The following MAP3K1 variants were observed in gnomAD, a reference collection of about 807,000 sequenced individuals.
MAP3K1 encodes MAP/ERK kinase kinase 1.
A neutral mutation model predicts 144.2 loss-of-function variants in MAP3K1; 36 were observed. The observed-to-expected ratio is 0.25, with a 90% CI of 0.19 to 0.33. The LOEUF (loss-of-function observed/expected upper bound fraction) is 0.33, where lower values mean the gene tolerates loss of function less well. Ranked by LOEUF, MAP3K1 falls within the 10% of genes least tolerant of loss-of-function variation. The pLI is 1.00. For missense variants in MAP3K1, 1,650 were observed against 1,881.9 expected (o/e 0.88, Z 2.28); for synonymous variants, 718 against 688.7 (o/e 1.04, Z -0.67).
At chr5:56,829,228 C>T (rs574051931) in intron 1 of MAP3K1, among the ~76,000 whole-genome samples, 3 of 151,286 alleles carry the variant, frequency 2.0e-5, no homozygotes, top group South Asian at 2.1e-4. Context: ...TTCACCCAGG[C>T]TGAAGTGCAG....
At chr5:56,879,857 A>G (rs116349699) in intron 11 of MAP3K1, among the ~76,000 whole-genome samples, 243 of 152,236 alleles carry the variant, frequency 1.6e-3, no homozygotes, top group African/African-American at 4.9e-3. Flanking sequence ...GAAGTGTTGA[A>G]TCTCCCTTCT....
Position 56,864,797 on chromosome 5 carries a change from A to C in MAP3K1, c.898A>C (p.Ser300Arg). Residue 300 changes from serine to arginine, a missense_variant, in exon 4 of 20, where the codon AGC becomes CGC. By Grantham distance (110) the Ser-to-Arg change is moderately radical. Around this residue, in one of 6 missense-constraint regions of MAP3K1, gnomAD observed 148 missense variants for 177.2 expected, o/e 0.84. Coordinates refer to ENST00000399503, the MANE Select transcript of MAP3K1 (RefSeq NM_005921.2). ...TTCACCAGATGGCTTCTCACCATAT[A>C]GCCCTGAGGAAACAAACCGCCGTGT... ...APSPDGFSPY[S>R]PEETNRRVNK... The C allele has an allele frequency of 1.9e-6, 3 of 1,614,180 alleles. No individual in the cohort carries two copies. The highest frequency in any genetic ancestry group is 2.5e-6 in the Non-Finnish European group (3 of 1,180,024).
chr5:56,850,307 T>G (rs777299303), intron 1 of MAP3K1, among the ~76,000 whole-genome samples: 3 of 152,166 alleles, frequency 2.0e-5, no homozygotes, highest in Non-Finnish European at 2.9e-5. Context: ...ATAATGTATT[T>G]TCTAGGGTTC....
At chr5:56,892,083 G>A (rs971349651) in intron 19 of MAP3K1, among the ~76,000 whole-genome samples, 1 of 152,150 alleles carries the variant, frequency 6.6e-6, no homozygotes, top group Non-Finnish European at 1.5e-5. Flanking sequence ...GTCATTGGTA[G>A]CTTGATGGGG....
chr5:56,825,962 T>G (rs1380369974), intron 1 of MAP3K1, among the ~76,000 whole-genome samples: 3 of 148,962 alleles, frequency 2.0e-5, no homozygotes, highest in African/African-American at 7.3e-5. Flanking sequence ...CAACTGACCG[T>G]TCTTCTTTTT....
chr5:56,867,707 A>G (rs769897859), intron 6 of MAP3K1, among the ~76,000 whole-genome samples: 1 of 152,222 alleles, frequency 6.6e-6, no homozygotes, highest in African/African-American at 2.4e-5. Context: ...AAAAAGGAAT[A>G]TGGCTTTTAA....
intron 19 of MAP3K1, among the ~76,000 whole-genome samples, chr5:56,890,985 G>A (rs1344192770): frequency 2.0e-5 from 3 of 152,120 alleles, no homozygotes; most frequent in Non-Finnish European, 2.9e-5. Flanking sequence ...GGTCAAAGCT[G>A]CAGTGAGCCA....
intron 17 of MAP3K1, among the ~76,000 whole-genome samples, chr5:56,886,847 T>C (rs115179954): frequency 0.02 from 2,987 of 152,186 alleles, 121 homozygotes; most frequent in African/African-American, 0.066. Context: ...CTGTAACTCA[T>C]TTCCTGGGCT....
At chr5:56,862,727 C>A (rs1329213365) in intron 3 of MAP3K1, among the ~76,000 whole-genome samples, 1 of 152,160 alleles carries the variant, frequency 6.6e-6, no homozygotes, top group Non-Finnish European at 1.5e-5. Flanking sequence ...AGGCTGGATA[C>A]CTAGCAGGTC....
intron 1 of MAP3K1, chr5:56,820,259 C>T (rs1746113726): frequency 5.5e-6 from 1 of 182,162 alleles, no homozygotes; most frequent in South Asian, 1.9e-4. Context: ...GATGGTAAAA[C>T]CTCATGATTA....
Position 56,884,834 on chromosome 5 carries a change from A to C in MAP3K1, c.3982+8A>C. On this transcript the variant is annotated splice_region_variant and intron_variant, in intron 16 of 19. Transcript: ENST00000399503. ...TCATTGAATGGATGGCAGGTATGTTAATGTTTTAAATTACAAAATAGTAGT... is the reference window on the plus strand; with the variant it reads ...TCATTGAATGGATGGCAGGTATGTTCATGTTTTAAATTACAAAATAGTAGT... 1.2e-6 allele frequency: 2 copies of C among 1,612,556 alleles called. No individual in the cohort carries two copies. The highest frequency in any genetic ancestry group is 1.7e-4 in the Middle Eastern group (1 of 6,050).
At chr5:56,847,507 A>T (rs1747035179) in intron 1 of MAP3K1, among the ~76,000 whole-genome samples, 1 of 152,114 alleles carries the variant, frequency 6.6e-6, no homozygotes, top group Non-Finnish European at 1.5e-5. Context: ...GAGGCTGCAG[A>T]ATTGCTTGAA....
Position 56,882,466 on chromosome 5 carries a change from C to G in MAP3K1, c.3266C>G (p.Ser1089Cys), listed in dbSNP as rs755658722. 2.5e-5 allele frequency: 40 copies of G among 1,614,124 alleles called. No homozygotes were observed. In the South Asian group the frequency reaches 3.2e-4, roughly 13 times the overall value. ...NSMTLDLNSSSKCDDSFGCSS... is the reference protein window; with the variant it reads ...NSMTLDLNSSCKCDDSFGCSS... ...ATGACACTTGATCTGAACAGTAGTT[C>G]CAAATGTGATGACAGCTTTGGCTGT... Residue 1089 changes from serine to cysteine, a missense_variant, in exon 14 of 20, where the codon TCC becomes TGC. Ser to Cys is a moderately radical substitution (Grantham distance 112). Transcript: ENST00000399503.
chr5:56,879,089 C>T lies in MAP3K1; in HGVS notation c.2075C>T (p.Ala692Val), dbSNP rs1199507647. Residue 692 changes from alanine (A) to valine (V), a missense_variant, in exon 11 of 20, where the codon GCA becomes GTA. Physicochemically the swap from Ala to Val is moderately conservative, Grantham distance 64. Coordinates refer to ENST00000399503, the MANE Select transcript of MAP3K1 (RefSeq NM_005921.2). Reference protein sequence around the residue: ...PVVDTILVKCADANSRTSQLS... With the variant: ...PVVDTILVKCVDANSRTSQLS... Reference sequence around the variant, plus strand: ...GTAGACACCATCCTAGTCAAATGTGCAGATGCCAATAGGTAAGGCTTTATT... The same window carrying T: ...GTAGACACCATCCTAGTCAAATGTGTAGATGCCAATAGGTAAGGCTTTATT... The T allele has an allele frequency of 6.2e-7, 1 of 1,613,780 alleles. No individual in the cohort carries two copies. The highest frequency in any genetic ancestry group is 8.5e-7 in the Non-Finnish European group (1 of 1,179,842).
chr5:56,850,028 C>G (rs1331612750), intron 1 of MAP3K1, among the ~76,000 whole-genome samples: 2 of 152,172 alleles, frequency 1.3e-5, no homozygotes, highest in African/African-American at 4.8e-5. Context: ...ACTGTTAGCC[C>G]TATCCTTGGG....
intron 1 of MAP3K1, among the ~76,000 whole-genome samples, chr5:56,851,214 G>A (rs375555895): frequency 6.6e-6 from 1 of 152,172 alleles, no homozygotes; most frequent in Admixed American, 6.5e-5. Context: ...TCAAAGTGCT[G>A]GGATTACAGG....
Position 56,865,956 on chromosome 5 carries a change from C to T in MAP3K1, c.1280C>T (p.Ser427Phe), listed in dbSNP as rs753903548. Reference sequence around the variant, plus strand: ...CATACATTGTCATCATCTAGTACTTCTACGTCTAGTTCAGAAAACAGGTTA... The same window carrying T: ...CATACATTGTCATCATCTAGTACTTTTACGTCTAGTTCAGAAAACAGGTTA... ...NSHTLSSSST[S>F]TSSSENSIKD... The change falls in exon 6 of 20, where the codon TCT becomes TTT. Residue 427 changes from serine (S) to phenylalanine (F), a missense_variant. Physicochemically the swap from Ser to Phe is radical, Grantham distance 155. Around this residue, in one of 6 missense-constraint regions of MAP3K1, gnomAD observed 125 missense variants for 179.9 expected, o/e 0.69. Transcript: ENST00000399503. The T allele has an allele frequency of 1.2e-6, 2 of 1,611,418 alleles. No individual in the cohort carries two copies. Among genetic ancestry groups the T allele is most frequent in the South Asian group, 2.2e-5 (2 of 91,020 alleles).
intron 1 of MAP3K1, among the ~76,000 whole-genome samples, chr5:56,823,088 A>T (rs1250105945): frequency 6.6e-6 from 1 of 152,178 alleles, no homozygotes; most frequent in Non-Finnish European, 1.5e-5. Flanking sequence ...TCTGATCATA[A>T]CTTCCTCCCT....
At position 56,868,396 on chromosome 5, in the gene MAP3K1, CT is replaced by C. The variant is rs1395155214; in HGVS notation, c.1301+2426del. On this transcript the variant is annotated intron_variant, in intron 6 of 19. Coordinates refer to ENST00000399503, the MANE Select transcript of MAP3K1 (RefSeq NM_005921.2). ...GTAATGGTTTCTTTCTTTCTTTTCTCTTTTTTTAGACGGAGTCTCTCTCTGT... is the reference window on the plus strand; with the variant it reads ...GTAATGGTTTCTTTCTTTCTTTTCTCTTTTTTAGACGGAGTCTCTCTCTGT... 2.6e-5 allele frequency among the ~76,000 whole-genome samples: 4 copies of C among 151,832 alleles called. No homozygotes were observed. The East Asian group carries it at 7.8e-4, about 29-fold the overall frequency.
Sources: gnomAD v4.1 joint callset for allele counts (sites outside exome capture counted in the v4.1 genomes callset) on GRCh38, gnomAD v4.1.1 for gene constraint, gnomAD v4.1.1 regional missense constraint, MANE v1.5 for transcripts, NCBI Gene and HGNC (gene_info 2026-07-23, HGNC 2026-07-21) for gene names.